Variants in PIWIL3 observed in about 807,000 individuals in gnomAD.
PIWIL3 encodes piwi like RNA-mediated gene silencing 3, also known as piwi-like protein 3.
Under a neutral mutation model 109.7 loss-of-function variants are expected in PIWIL3, and 101 were observed. That is an observed-to-expected ratio of 0.92 (90% CI 0.78 to 1.09). PIWIL3 has a LOEUF of 1.09. Among genes scored for constraint, PIWIL3 ranks in the 50% least tolerant of loss-of-function variants. The pLI, the probability that PIWIL3 is intolerant of heterozygous loss-of-function variation, is 0.00. For synonymous variants in PIWIL3, 373 were observed against 376.4 expected, an observed-to-expected ratio of 0.99 and a Z score of 0.10; for missense variants, 1,031 against 1,072.6, an observed-to-expected ratio of 0.96 and a Z score of 0.54.
At chr22:24,728,773 T>C (rs1358666476) in intron 14 of PIWIL3, among the ~76,000 whole-genome samples, 1 of 152,216 alleles carries the variant, frequency 6.6e-6, no homozygotes, top group Non-Finnish European at 1.5e-5. Flanking sequence ...CAATATCATT[T>C]CCATCCTAGT....
At chr22:24,770,679 AC>A (rs1400852911) in intron 1 of PIWIL3, among the ~76,000 whole-genome samples, 10 of 52,426 alleles carry the variant, frequency 1.9e-4, no homozygotes, top group African/African-American at 6.4e-4. Context: ...AAAAAAAAAA[AC>A]AAAAATTAGC....
At chr22:24,739,642 C>T (rs1453488299) in intron 12 of PIWIL3, among the ~76,000 whole-genome samples, 2 of 152,004 alleles carry the variant, frequency 1.3e-5, no homozygotes, top group Admixed American at 6.6e-5. Flanking sequence ...AAACAAAAGC[C>T]GAGGGATTTC....
rs1392067770 is a variant in PIWIL3, at chr22:24,749,289, C to G, written c.1334+115G>C. The G allele has an allele frequency of 3.4e-6, 5 of 1,477,742 alleles. No homozygotes were observed. The East Asian group carries it at 6.8e-5, about 20-fold the overall frequency. The allele number at this position is 1,477,742 out of a possible 1,614,324, so 91.5% of individuals were successfully genotyped here. ...AGAGTTGTCCCCCAACATCAAAATT[C>G]TTCCCATTGTCACTTGCTTGTAGAA... On this transcript the variant is annotated intron_variant, in intron 11 of 20. Coordinates refer to ENST00000616349, the MANE Select transcript of PIWIL3 (RefSeq NM_001255975.1).
rs1926310786 is a variant in PIWIL3, at chr22:24,774,483, C to CT, written c.-185dup. The CT allele has an allele frequency of 6.6e-6, 1 of 152,418 alleles. No homozygotes were observed. Among genetic ancestry groups the CT allele is most frequent in the Non-Finnish European group, 1.5e-5 (1 of 68,242 alleles). The allele number at this position is 152,418 out of a possible 1,614,324, so 9.4% of individuals were successfully genotyped here. Reference sequence around the variant, plus strand: ...CACCACCTGACACCTCCCAGTCCCCCTGCCTCTTTTGCCTTCCAAATCCTC... The same window carrying CT: ...CACCACCTGACACCTCCCAGTCCCCCTTGCCTCTTTTGCCTTCCAAATCCTC... On this transcript the variant is annotated 5_prime_UTR_variant, in exon 1 of 21. Transcript: ENST00000616349.
In PIWIL3 at chr22:24,723,267, T is replaced by C. The variant is rs1182439947; in HGVS notation, c.2232-12A>G. The C allele has an allele frequency of 1.1e-5, 17 of 1,605,310 alleles. No homozygotes were observed. The highest frequency in any genetic ancestry group is 1.4e-5 in the Non-Finnish European group (17 of 1,174,696). ...AAGCTAGAGTGAAACTTAAAAAAAT[T>C]AGGGTAAGTGTCACTATGTTTACTC... is the stretch of plus-strand genomic sequence containing the variant. On this transcript the variant is annotated splice_polypyrimidine_tract_variant and intron_variant, in intron 18 of 20. Transcript: ENST00000616349.
intron 8 of PIWIL3, among the ~76,000 whole-genome samples, chr22:24,753,057 CA>C (rs1924804908): frequency 6.6e-6 from 1 of 152,168 alleles, no homozygotes; most frequent in South Asian, 2.1e-4. Context: ...ATTCTAGATA[CA>C]GGTTACTTAT....
chr22:24,744,532 C>T (rs1924239004), intron 12 of PIWIL3, among the ~76,000 whole-genome samples: 1 of 152,048 alleles, frequency 6.6e-6, no homozygotes, highest in Admixed American at 6.6e-5. Flanking sequence ...GAGATCATGC[C>T]ACTGCACTCC....
Position 24,723,115 on chromosome 22 carries a change from A to G in PIWIL3, c.2357+15T>C. ...AAAATCATAGAACCATGTGCAAAAA[A>G]TACAGGTGGCTTACCATTCATTCCT... is the stretch of plus-strand genomic sequence containing the variant. On this transcript the variant is annotated intron_variant, in intron 19 of 20. Transcript: ENST00000616349. 6.2e-7 allele frequency: 1 copy of G among 1,611,264 alleles called. No homozygotes were observed.
intron 1 of PIWIL3, among the ~76,000 whole-genome samples, chr22:24,773,741 CA>C (rs752451587): frequency 0.1 from 5,011 of 47,940 alleles, 146 homozygotes; most frequent in Middle Eastern, 0.2. Flanking sequence ...ATGGGAGTCT[CA>C]CTCACTCTGT....
At chr22:24,735,632 CAATTT>C (rs1923610883) in intron 13 of PIWIL3, 71 bp downstream of exon 13, 3 of 1,380,730 alleles carry the variant, frequency 2.2e-6, no homozygotes, top group African/African-American at 1.5e-5. Flanking sequence ...CCAATTCCTA[CAATTT>C]AATATTTTAG....
intron 12 of PIWIL3, among the ~76,000 whole-genome samples, chr22:24,737,897 A>C (rs5751966): frequency 6.6e-6 from 1 of 152,298 alleles, no homozygotes; most frequent in East Asian, 1.9e-4. Flanking sequence ...GCGGTGGCTC[A>C]CGCCTGGAAT....
chr22:24,768,946 T>C (rs1925961271), intron 1 of PIWIL3, among the ~76,000 whole-genome samples: 1 of 152,152 alleles, frequency 6.6e-6, no homozygotes, highest in Non-Finnish European at 1.5e-5. Context: ...GAAGGCTCAT[T>C]TTTGTTCCAT....
chr22:24,719,938 A>T (rs769584264), intron 19 of PIWIL3, 43 bp from the exon 20 acceptor site: 1 of 1,498,602 alleles, frequency 6.7e-7, no homozygotes, highest in South Asian at 1.2e-5. Flanking sequence ...TTTTAGAAAG[A>T]GGGTATATAG....
At chr22:24,721,590 AT>A (rs1469405927) in intron 19 of PIWIL3, among the ~76,000 whole-genome samples, 2 of 152,154 alleles carry the variant, frequency 1.3e-5, no homozygotes, top group African/African-American at 4.8e-5. Flanking sequence ...CATTATGGGA[AT>A]TTTGTGAACA....
rs73879115 is a variant in PIWIL3, at chr22:24,736,011, A to T, written c.1450-119T>A. The T allele has an allele frequency of 9.1e-3, 7,549 of 826,166 alleles. 380 individuals carry two copies. In the African/African-American group the frequency reaches 0.12, roughly 13 times the overall value. 51.2% of individuals were successfully genotyped at this position (826,166 alleles called of 1,614,324 possible). On this transcript the variant is annotated intron_variant, in intron 12 of 20. Coordinates refer to ENST00000616349, the MANE Select transcript of PIWIL3 (RefSeq NM_001255975.1). ...AGAAATGTTACAATTATAAACTTGA[A>T]TGGCCAATGTAGGTATTTTTTTCAT...
rs1358984537 is a variant in PIWIL3 at position 24,749,748 on chromosome 22, T to TA, written c.1160dup (p.Thr388AsnfsTer6). ...GGATAGGTTCACGTTGTGTACCCGT[T>TA]AGGCCCTTTTTCCATCTGCCCTGGC... On this transcript the variant is annotated frameshift_variant, in exon 10 of 21. Transcript: ENST00000616349. LOFTEE classifies it high-confidence loss of function. 2 of 1,613,984 alleles carry TA rather than the reference T, an allele frequency of 1.2e-6. No individual in the cohort carries two copies. Among genetic ancestry groups the TA allele is most frequent in the African/African-American group, 2.7e-5 (2 of 74,986 alleles).
At chr22:24,726,287 CT>C (rs377326400) in intron 16 of PIWIL3, among the ~76,000 whole-genome samples, 241 of 143,644 alleles carry the variant, frequency 1.7e-3, no homozygotes, top group Non-Finnish European at 1.7e-3. Flanking sequence ...TTCTTTCTTT[CT>C]TTTTTTTTTT....
intron 12 of PIWIL3, among the ~76,000 whole-genome samples, chr22:24,744,889 C>T (rs761957897): frequency 9.2e-5 from 14 of 152,158 alleles, no homozygotes; most frequent in Admixed American, 2.0e-4. Flanking sequence ...ACCAGAGGGA[C>T]ATCGTAGTTA....
intron 1 of PIWIL3, among the ~76,000 whole-genome samples, chr22:24,765,562 T>C (rs566305404): frequency 6.6e-6 from 1 of 152,316 alleles, no homozygotes; most frequent in African/African-American, 2.4e-5. Flanking sequence ...ATCTTACAGA[T>C]CGTGTAGATT....
Sources: allele counts gnomAD v4.1 joint callset (sites outside exome capture counted in the v4.1 genomes callset), GRCh38; gene constraint gnomAD v4.1.1; transcripts MANE v1.5; gene names NCBI Gene and HGNC (gene_info 2026-07-23, HGNC 2026-07-21).